PLEC: variants seen among roughly 807,000 people sequenced by gnomAD.
PLEC encodes the protein plectin.
In PLEC, 216 loss-of-function variants were observed where a neutral mutation model predicts 392.8. The observed-to-expected ratio is 0.55, with a 90% CI of 0.49 to 0.62. The LOEUF (loss-of-function observed/expected upper bound fraction) is 0.62. PLEC is among the 20% of genes least tolerant of loss of function. The pLI is 0.00. For synonymous variants in PLEC, 3,621 were observed against 2,980.6 expected (o/e 1.21, Z -7.00); for missense variants, 6,863 against 6,563.4 (o/e 1.05, Z -1.58).
rs541271992 is a variant in PLEC, at chr8:143,932,880, G to A, written c.1650C>T (p.Ser550=). 171 of 1,612,408 alleles carry A rather than the reference G, an allele frequency of 1.1e-4. No homozygotes were observed. In the Admixed American group the frequency reaches 1.5e-3, roughly 14 times the overall value. ...DGAEWGVDLP[S]VEAQLGSHRG... is the part of the protein sequence containing the mutation. ...GGTGGCTGCCCAGCTGCGCCTCCAC[G>A]CTGGGCAGGTCCACACCCCACTCAG... The change falls in exon 14 of 32, where the codon AGC becomes AGT. Residue 550 remains serine, a synonymous_variant. Transcript: ENST00000345136.
chr8:143,941,052 A>G (rs1587267608), upstream of PLEC, among the ~76,000 whole-genome samples: 1 of 152,048 alleles, frequency 6.6e-6, no homozygotes, highest in South Asian at 2.1e-4. Flanking sequence ...GCCCAAGGGC[A>G]CCCCGGACCC....
chr8:143,935,780 A>G (rs527792071), intron 6 of PLEC, 68 bp downstream of exon 6: 11 of 1,551,286 alleles, frequency 7.1e-6, no homozygotes, highest in Non-Finnish European at 8.9e-6. Flanking sequence ...AACGTGTCTG[A>G]AGTTGCCTAG....
rs781897072 is a variant in PLEC, at chr8:143,927,260, C to T, written c.3832G>A (p.Ala1278Thr). Residue 1278 changes from alanine (A) to threonine (T), a missense_variant, in exon 28 of 32, where the codon GCC becomes ACC. Coordinates refer to ENST00000345136, the MANE Select transcript of PLEC (RefSeq NM_201384.3). The part of the protein sequence containing the change: ...CQRFAKQYIN[A>T]IKDYELQLVT... ...AGGCGGCTGGGCCTCACCTTGATGG[C>T]GTTGATGTACTGTTTCGCAAACCTC... is the stretch of plus-strand genomic sequence containing the variant. 8 of 1,613,022 alleles carry T rather than the reference C, an allele frequency of 5.0e-6. No homozygotes were observed. The highest frequency in any genetic ancestry group is 2.2e-5 in the South Asian group (2 of 91,092).
upstream of PLEC, among the ~76,000 whole-genome samples, chr8:143,942,117 G>A (rs1830570410): frequency 6.6e-6 from 1 of 152,000 alleles, no homozygotes; most frequent in Non-Finnish European, 1.5e-5. Context: ...CCAGGCCAAA[G>A]CCCAGGCTGA....
At chr8:143,962,154 T>A (rs781800525) in intron 1 of PLEC, among the ~76,000 whole-genome samples, 2 of 152,170 alleles carry the variant, frequency 1.3e-5, no homozygotes, top group African/African-American at 4.8e-5. Context: ...TCTGCAGATA[T>A]AATTAAATAA....
chr8:143,949,292 A>G (rs782161243), intron 1 of PLEC, among the ~76,000 whole-genome samples: 10 of 152,104 alleles, frequency 6.6e-5, no homozygotes, highest in Non-Finnish European at 1.5e-5. Flanking sequence ...GCCAGCCCCA[A>G]AGAGGGAGGT....
rs201946562 is a variant in PLEC, at chr8:143,950,581, G to A, written c.126C>T (p.Gly42=). 14 of 1,608,236 alleles carry A rather than the reference G, an allele frequency of 8.7e-6. No homozygotes were observed. Among genetic ancestry groups the A allele is most frequent in the South Asian group, 3.3e-5 (3 of 89,960 alleles). ...CACGCATGACCTGCAGGTTGGTGAC[G>A]CCGGGCACATGGGGGTGCAAGCTGC... The change falls in exon 1 of 32, where the codon GGC becomes GGT. Residue 42 remains glycine, a synonymous_variant. Transcript: ENST00000322810.
rs75555707 is a variant in PLEC at position 143,960,903 on chromosome 8, C to T, written c.70+12500G>A. 5.3e-5 allele frequency among the ~76,000 whole-genome samples: 8 copies of T among 152,334 alleles called. No homozygotes were observed. In the East Asian group the frequency reaches 1.4e-3, roughly 26 times the overall value. On this transcript the variant is annotated intron_variant, in intron 1 of 31. Coordinates refer to the PLEC transcript ENST00000356346. ...TTTTAACACAAACGGTGAAATCTTC[C>T]GGGCACCATTCTGCCCCTGCTTTCC...
At chr8:143,933,398 A>G in intron 12 of PLEC, 47 bp from the exon 13 acceptor site, 9 of 1,601,602 alleles carry the variant, frequency 5.6e-6, no homozygotes, top group Non-Finnish European at 7.6e-6. Flanking sequence ...TCCCCCTCTG[A>G]CCTCACAGGG....
chr8:143,948,968 C>T (rs768697781), intron 1 of PLEC, among the ~76,000 whole-genome samples: 1 of 152,198 alleles, frequency 6.6e-6, no homozygotes, highest in Non-Finnish European at 1.5e-5. Flanking sequence ...GGAGACATGT[C>T]GTCCATTTAG....
At chr8:143,958,202 C>A (rs1832697965), upstream of PLEC, among the ~76,000 whole-genome samples, 1 of 152,198 alleles carries the variant, frequency 6.6e-6, no homozygotes, top group Admixed American at 6.5e-5. The surrounding 1 kb of genome is among the most constrained non-coding windows in gnomAD (Gnocchi z 4.9). Flanking sequence ...GGAGGCCACC[C>A]CTGCGCAGGG....
chr8:143,940,134 ACCCTGCCCCATGGTGCCTG>A (rs2132357549), upstream of PLEC, among the ~76,000 whole-genome samples: 1 of 152,164 alleles, frequency 6.6e-6, no homozygotes, highest in South Asian at 2.1e-4. Context: ...CGGGGAGCAC[ACCCTGCCCCATGGTGCCTG>A]CCCTGGCCCT....
In PLEC at chr8:143,932,018, G is replaced by GGCCGCCTGGAAGGACT. The variant is rs1554716104; in HGVS notation, c.2083-2_2096dup (p.Leu700ValfsTer53). On this transcript the variant is annotated frameshift_variant, in exon 18 of 32. Coordinates refer to ENST00000345136, the MANE Select transcript of PLEC (RefSeq NM_201384.3). LOFTEE classifies it high-confidence loss of function. ...GCATCCAGCTCCACTGCGTCTGCAG[G>GGCCGCCTGGAAGGACT]GCCGCCTGGAAGGACTGCGGGACAG... The GGCCGCCTGGAAGGACT allele has an allele frequency of 6.2e-7, 1 of 1,602,644 alleles. No individual in the cohort carries two copies.
upstream of PLEC, among the ~76,000 whole-genome samples, chr8:143,940,928 AG>A (rs1248851466): frequency 6.6e-6 from 1 of 152,132 alleles, no homozygotes; most frequent in Non-Finnish European, 1.5e-5. Flanking sequence ...CATGAGATTC[AG>A]GGTGACCCTC....
At chr8:143,946,446 A>G in intron 1 of PLEC, 3 of 1,270,664 alleles carry the variant, frequency 2.4e-6, no homozygotes, top group Non-Finnish European at 2.1e-6. Context: ...AAGGCGAGGC[A>G]GGAAGGAGGG....
chr8:143,953,886 C>T (rs1832441050), upstream of PLEC: 1 of 1,522,516 alleles, frequency 6.6e-7, no homozygotes, highest in Non-Finnish European at 8.8e-7. Context: ...CGGGGCAGGG[C>T]TTGCCGGCCA....
At chr8:143,955,336 C>T (rs1832530683), upstream of PLEC, among the ~76,000 whole-genome samples, 1 of 152,126 alleles carries the variant, frequency 6.6e-6, no homozygotes, top group African/African-American at 2.4e-5. Context: ...AAAAAATCAG[C>T]CAGGCATGGT....
At chr8:143,934,534 A>C (rs1242322867) in intron 10 of PLEC, 89 bp from the exon 11 acceptor site, 2 of 1,597,794 alleles carry the variant, frequency 1.3e-6, no homozygotes, top group Non-Finnish European at 1.7e-6. Context: ...CAGACCTGGG[A>C]CAGCCCTGGT....
In PLEC at chr8:143,917,977, C is replaced by T. The variant is rs782025071; in HGVS notation, c.11844G>A (p.Ser3948=). ...TGCCCTTCTTCATGGCCTGGTACAC[C>T]GAGAGCCGTTCCTTGGTGGCGTCCA... ...VFVDATKERL[S]VYQAMKKGII... Residue 3948 remains serine (S), a synonymous_variant, in exon 32 of 32, where the codon TCG becomes TCA. Transcript: ENST00000345136. The T allele has an allele frequency of 7.9e-5, 128 of 1,612,630 alleles. No individual in the cohort carries two copies. The highest frequency in any genetic ancestry group is 4.5e-4 in the Admixed American group (27 of 59,982).
Sources: gnomAD v4.1 joint callset for allele counts (sites outside exome capture counted in the v4.1 genomes callset) on GRCh38, gnomAD v4.1.1 for gene constraint, Gnocchi (gnomAD v3.1) non-coding constraint, MANE v1.5 for transcripts, NCBI Gene and HGNC (gene_info 2026-07-23, HGNC 2026-07-21) for gene names.